Variants in CCM2 observed in about 807,000 individuals in gnomAD.
CCM2 encodes the protein cerebral cavernous malformations 2 protein.
Under a neutral mutation model 44.9 loss-of-function variants are expected in CCM2, and 25 were observed. The ratio of observed to expected loss-of-function variants is 0.56; its 90% CI spans 0.41 to 0.78. The LOEUF (loss-of-function observed/expected upper bound fraction) is 0.78. Ranked by LOEUF, CCM2 falls within the 30% of genes least tolerant of loss-of-function variation. The pLI, the probability that CCM2 is intolerant of heterozygous loss-of-function variation, is 0.00. For synonymous variants in CCM2, 219 were observed against 241.1 expected (o/e 0.91, Z 0.85); for missense variants, 481 against 580.6 (o/e 0.83, Z 1.76).
At chr7:45,063,849 G>A (rs893629952) in intron 2 of CCM2, 69 bp from the exon 3 acceptor site, 6 of 1,055,654 alleles carry the variant, frequency 5.7e-6, no homozygotes, top group Middle Eastern at 2.0e-4. Flanking sequence ...TTGTGCTCTC[G>A]GTGGTAGTGA....
chr7:45,034,219 T>TG (rs1261355095), intron 1 of CCM2, among the ~76,000 whole-genome samples: 1 of 152,056 alleles, frequency 6.6e-6, no homozygotes, highest in East Asian at 1.9e-4. Context: ...CTTTTTTTTT[T>TG]TTTTGTTTTG....
At chr7:45,073,433 C>A in intron 7 of CCM2, 27 bp from the exon 8 acceptor site, 1 of 1,567,522 alleles carries the variant, frequency 6.4e-7, no homozygotes, top group South Asian at 1.1e-5. Flanking sequence ...GGGAAGCCAC[C>A]CGCTCACATA....
At chr7:45,068,108 TAAG>T (rs1009779286) in intron 4 of CCM2, 12 of 394,650 alleles carry the variant, frequency 3.0e-5, no homozygotes, top group Non-Finnish European at 5.8e-5. Flanking sequence ...TACCCATCTG[TAAG>T]AAGGGAACTC....
At chr7:45,021,058 G>A (rs1470247354) in intron 1 of CCM2, among the ~76,000 whole-genome samples, 2 of 152,086 alleles carry the variant, frequency 1.3e-5, no homozygotes, top group East Asian at 1.9e-4. Flanking sequence ...CGAGAATATC[G>A]AGTGCTGTGT....
At chr7:45,071,943 G>A (rs1317639568) in intron 6 of CCM2, 1 of 444,920 alleles carries the variant, frequency 2.2e-6, no homozygotes, top group East Asian at 7.0e-5. Context: ...GGATTAGGAT[G>A]TGGACGTCTT....
At chr7:45,049,767 G>A (rs1471449844) in intron 2 of CCM2, among the ~76,000 whole-genome samples, 8 of 147,652 alleles carry the variant, frequency 5.4e-5, no homozygotes, top group African/African-American at 1.9e-4. Context: ...CAGTGCATAC[G>A]TGAGGACTCT....
intron 1 of CCM2, among the ~76,000 whole-genome samples, chr7:45,010,890 A>C (rs192996094): frequency 6.6e-6 from 1 of 152,312 alleles, no homozygotes; most frequent in East Asian, 1.9e-4. Flanking sequence ...AGCTGCTGTG[A>C]ACATTTGTGA....
At chr7:45,072,491 C>T in intron 6 of CCM2, 1 of 625,088 alleles carries the variant, frequency 1.6e-6, no homozygotes, top group Middle Eastern at 4.3e-4. Context: ...CAGCGTGCAG[C>T]AGGATTTGCA....
rs1797147260 is a variant in CCM2, at chr7:45,034,950, C to T, written c.31-3303C>T. Reference sequence around the variant, plus strand: ...CCTACCGGGCTCAAGCAACCTCCTGCCTCAGCCTCCCAAGTAGCTGGTACT... The same window carrying T: ...CCTACCGGGCTCAAGCAACCTCCTGTCTCAGCCTCCCAAGTAGCTGGTACT... On this transcript the variant is annotated intron_variant, in intron 1 of 9. Coordinates refer to ENST00000258781, the MANE Select transcript of CCM2 (RefSeq NM_031443.4). Among the ~76,000 whole-genome samples the T allele has an allele frequency of 2.0e-5, 3 of 152,324 alleles. No individual in the cohort carries two copies. The South Asian group carries it at 6.2e-4, about 32-fold the overall frequency.
At chr7:45,025,439 C>T (rs747134102) in intron 1 of CCM2, among the ~76,000 whole-genome samples, 39 of 152,154 alleles carry the variant, frequency 2.6e-4, no homozygotes, top group Non-Finnish European at 4.1e-4. Flanking sequence ...TTGGGCTCTC[C>T]GCTATGTCCT....
rs763128519 is a variant in CCM2 at position 45,075,917 on chromosome 7, A to G, written c.1195A>G (p.Thr399Ala). Residue 399 changes from threonine to alanine, a missense_variant, in exon 10 of 10, where the codon ACC becomes GCC. By Grantham distance (58) the Thr-to-Ala change is moderately conservative (BLOSUM62 0). Coordinates refer to ENST00000258781, the MANE Select transcript of CCM2 (RefSeq NM_031443.4). Reference sequence around the variant, plus strand: ...GGCCCTGAGCACCACATCCAGTTCCACCACCAATGGGAACAGGGCCACGGG... The same window carrying G: ...GGCCCTGAGCACCACATCCAGTTCCGCCACCAATGGGAACAGGGCCACGGG... ...RRALSTTSSS[T>A]TNGNRATGSS... The G allele has an allele frequency of 1.4e-5, 22 of 1,613,172 alleles. No individual in the cohort carries two copies. The highest frequency in any genetic ancestry group is 1.8e-5 in the Non-Finnish European group (21 of 1,180,014).
rs1795532071 is a variant in CCM2 at position 45,000,253 on chromosome 7, C to T, written c.-81C>T. On this transcript the variant is annotated 5_prime_UTR_variant, in exon 1 of 10. Transcript: ENST00000258781. ...GCGCCGGGAGCGCGGGGGCGGCGGG[C>T]CCGGGTCGAGCATGTAGCGGCTGCT... 3.3e-6 allele frequency: 3 copies of T among 920,084 alleles called. No individual in the cohort carries two copies. The highest frequency in any genetic ancestry group is 5.8e-5 in the Admixed American group (1 of 17,234). The allele number at this position is 920,084 out of a possible 1,614,324, so 57.0% of individuals were successfully genotyped here.
chr7:45,044,935 A>G (rs1191413294), intron 2 of CCM2, among the ~76,000 whole-genome samples: 1 of 152,206 alleles, frequency 6.6e-6, no homozygotes, highest in Non-Finnish European at 1.5e-5. Flanking sequence ...CCGATCCCCA[A>G]GATGACTAGA....
intron 1 of CCM2, among the ~76,000 whole-genome samples, chr7:45,016,778 G>A (rs1188441003): frequency 6.6e-6 from 1 of 152,118 alleles, no homozygotes; most frequent in African/African-American, 2.4e-5. Flanking sequence ...GATTACAGGC[G>A]CCTACCACCA....
At chr7:45,015,711 G>A (rs538914625) in intron 1 of CCM2, among the ~76,000 whole-genome samples, 1 of 152,284 alleles carries the variant, frequency 6.6e-6, no homozygotes, top group Admixed American at 6.5e-5. Context: ...GGCCCAGGAC[G>A]TCCTGGTTCC....
At chr7:45,017,984 C>G (rs2128717342) in intron 1 of CCM2, among the ~76,000 whole-genome samples, 1 of 152,180 alleles carries the variant, frequency 6.6e-6, no homozygotes, top group East Asian at 1.9e-4. Context: ...CAGTCCCCAA[C>G]CTTTTTGACA....
chr7:45,054,432 A>G (rs548625672), intron 2 of CCM2, among the ~76,000 whole-genome samples: 1 of 152,028 alleles, frequency 6.6e-6, no homozygotes. Flanking sequence ...CGGGAACTTT[A>G]TCAATCAAGG....
intron 2 of CCM2, among the ~76,000 whole-genome samples, chr7:45,040,799 C>G (rs1184852910): frequency 6.6e-6 from 1 of 152,132 alleles, no homozygotes; most frequent in Non-Finnish European, 1.5e-5. Flanking sequence ...TCAGCCTGGC[C>G]AACATGGCGA....
chr7:45,018,164 C>T (rs1046133147), intron 1 of CCM2, among the ~76,000 whole-genome samples: 1 of 152,128 alleles, frequency 6.6e-6, no homozygotes, highest in African/African-American at 2.4e-5. Context: ...GAATCTAATG[C>T]AGCCACTGAT....
Sources: allele counts gnomAD v4.1 joint callset (sites outside exome capture counted in the v4.1 genomes callset), GRCh38; gene constraint gnomAD v4.1.1; transcripts MANE v1.5; gene names NCBI Gene and HGNC (gene_info 2026-07-23, HGNC 2026-07-21).